The following LDLRAD4 variants were observed in gnomAD, a reference collection of about 807,000 sequenced individuals.
LDLRAD4 encodes low-density lipoprotein receptor class A domain-containing protein 4.
LDLRAD4 carries 5 observed loss-of-function variants against 17.0 expected under a neutral mutation model. That is an observed-to-expected ratio of 0.29 (90% CI 0.15 to 0.62). The LOEUF (loss-of-function observed/expected upper bound fraction) is 0.62. Among genes scored for constraint, LDLRAD4 ranks in the 20% least tolerant of loss-of-function variants. LDLRAD4 has a pLI of 0.84. For synonymous variants in LDLRAD4, 168 were observed against 171.8 expected, an observed-to-expected ratio of 0.98 and a Z score of 0.17; for missense variants, 340 against 424.7, an observed-to-expected ratio of 0.80 and a Z score of 1.75.
At chr18:13,282,447 C>T (rs2045338531) in intron 1 of LDLRAD4, among the ~76,000 whole-genome samples, 1 of 152,164 alleles carries the variant, frequency 6.6e-6, no homozygotes, top group African/African-American at 2.4e-5. Flanking sequence ...TGGGTAAATA[C>T]AGCTGTTACA....
intron 1 of LDLRAD4, among the ~76,000 whole-genome samples, chr18:13,237,293 G>A (rs1054999427): frequency 6.6e-5 from 10 of 152,204 alleles, no homozygotes; most frequent in African/African-American, 2.2e-4. Flanking sequence ...ATCACCCCAC[G>A]TCCTGGGCAC....
intron 3 of LDLRAD4, among the ~76,000 whole-genome samples, chr18:13,512,879 G>C (rs1405804539): frequency 6.6e-6 from 1 of 152,168 alleles, no homozygotes; most frequent in Admixed American, 6.5e-5. Context: ...GAGATCACTT[G>C]CACTGAAAAG....
chr18:13,490,643 TA>T (rs1467132287), intron 3 of LDLRAD4: 5 of 152,238 alleles, frequency 3.3e-5, no homozygotes, highest in African/African-American at 1.2e-4. Flanking sequence ...TATATGTATA[TA>T]TTTTTTTACC....
At position 13,351,368 on chromosome 18, in the gene LDLRAD4, G is replaced by A. The variant is rs986952110; in HGVS notation, c.-382-35973G>A. Among the ~76,000 whole-genome samples, 3 of 151,936 alleles carry A rather than the reference G, an allele frequency of 2.0e-5. No homozygotes were observed. In the South Asian group the frequency reaches 6.2e-4, roughly 32 times the overall value. On this transcript the variant is annotated intron_variant, in intron 1 of 5. Coordinates refer to ENST00000359446, the Ensembl canonical transcript of LDLRAD4. ...CATCCCTTGTTAGCTGTATTCCTAG[G>A]CATTTTATTCTCTTTGTAGCAATTG...
chr18:13,432,459 A>G (rs1299170649), intron 2 of LDLRAD4, among the ~76,000 whole-genome samples: 1 of 152,152 alleles, frequency 6.6e-6, no homozygotes, highest in African/African-American at 2.4e-5. Context: ...AGCACCCTTT[A>G]ATAAAAAGAG....
chr18:13,290,426 G>A (rs986018056), intron 1 of LDLRAD4, among the ~76,000 whole-genome samples: 1 of 152,142 alleles, frequency 6.6e-6, no homozygotes, highest in Non-Finnish European at 1.5e-5. Context: ...TGGGTAAAAT[G>A]ATCCTGAACC....
At chr18:13,441,394 C>T (rs2091012162) in intron 3 of LDLRAD4, among the ~76,000 whole-genome samples, 2 of 152,210 alleles carry the variant, frequency 1.3e-5, no homozygotes. Context: ...GAGTATCCCA[C>T]GAACTCTTGT....
chr18:13,460,786 C>T (rs1184515287), intron 3 of LDLRAD4, among the ~76,000 whole-genome samples: 1 of 152,098 alleles, frequency 6.6e-6, no homozygotes, highest in African/African-American at 2.4e-5. Context: ...ATATTATATA[C>T]ATATACTATT....
intron 3 of LDLRAD4, among the ~76,000 whole-genome samples, chr18:13,571,558 A>G (rs2094690852): frequency 6.6e-6 from 1 of 152,246 alleles, no homozygotes; most frequent in African/African-American, 2.4e-5. Flanking sequence ...GGCGTTGGGT[A>G]GTTTGCCTGA....
chr18:13,643,235 C>G lies in LDLRAD4; in HGVS notation c.337-124C>G, dbSNP rs1462477094. On this transcript the variant is annotated intron_variant, in intron 4 of 5. Coordinates refer to ENST00000359446, the Ensembl canonical transcript of LDLRAD4. ...AGGCTTGAGCCATGGCGCCCGGCCTCGCTCCACGTTTTATGCAGATCCCCG... is the reference window on the plus strand; with the variant it reads ...AGGCTTGAGCCATGGCGCCCGGCCTGGCTCCACGTTTTATGCAGATCCCCG... 4 of 598,008 alleles carry G rather than the reference C, an allele frequency of 6.7e-6. No individual in the cohort carries two copies. In the South Asian group the frequency reaches 7.3e-5, roughly 11 times the overall value. 37.0% of individuals were successfully genotyped at this position (598,008 alleles called of 1,614,324 possible).
At chr18:13,351,037 G>A (rs780159064) in intron 1 of LDLRAD4, among the ~76,000 whole-genome samples, 27 of 152,154 alleles carry the variant, frequency 1.8e-4, no homozygotes, top group Non-Finnish European at 3.8e-4. Context: ...CTGTAGCCTT[G>A]TAGTATAGTT....
At chr18:13,371,483 A>G (rs1291702012) in intron 1 of LDLRAD4, among the ~76,000 whole-genome samples, 1 of 152,162 alleles carries the variant, frequency 6.6e-6, no homozygotes, top group Non-Finnish European at 1.5e-5. Context: ...CAGAACCCAC[A>G]GTTGGCCGGG....
At chr18:13,529,806 G>A (rs1010079476) in intron 3 of LDLRAD4, among the ~76,000 whole-genome samples, 6 of 152,238 alleles carry the variant, frequency 3.9e-5, no homozygotes, top group African/African-American at 1.4e-4. Flanking sequence ...CACATAGGCT[G>A]TCCACAGAGT....
chr18:13,390,469 C>T (rs1377260401), intron 2 of LDLRAD4, among the ~76,000 whole-genome samples: 3 of 152,216 alleles, frequency 2.0e-5, no homozygotes, highest in African/African-American at 7.2e-5. Flanking sequence ...TCCCTACCAC[C>T]TGGGTCTCAC....
intron 3 of LDLRAD4, among the ~76,000 whole-genome samples, chr18:13,555,486 G>C (rs2094474594): frequency 1.3e-5 from 2 of 152,132 alleles, no homozygotes; most frequent in Admixed American, 6.5e-5. Flanking sequence ...TGATTAAAGA[G>C]CTTATGTTCT....
chr18:13,244,630 T>C (rs138693257), intron 1 of LDLRAD4, among the ~76,000 whole-genome samples: 22 of 152,330 alleles, frequency 1.4e-4, no homozygotes, highest in Admixed American at 7.2e-4. Flanking sequence ...GTGGTTAATA[T>C]TGTAGTCATT....
At chr18:13,612,322 T>A in intron 3 of LDLRAD4, 2 of 1,079,462 alleles carry the variant, frequency 1.9e-6, no homozygotes, top group Non-Finnish European at 2.3e-6. Context: ...CTGTAAACAG[T>A]AGTGCCCTGG....
chr18:13,612,760 T>C, intron 3 of LDLRAD4: 1 of 1,614,028 alleles, frequency 6.2e-7, no homozygotes, highest in Non-Finnish European at 8.5e-7. Context: ...TTCAAAGACC[T>C]GTTCTTAAAA....
At chr18:13,233,835 C>T (rs1301679610) in intron 1 of LDLRAD4, among the ~76,000 whole-genome samples, 2 of 152,198 alleles carry the variant, frequency 1.3e-5, no homozygotes, top group East Asian at 3.9e-4. Context: ...TACTCATAGG[C>T]ACCTCCAAGC....
Sources: allele counts gnomAD v4.1 joint callset (sites outside exome capture counted in the v4.1 genomes callset), GRCh38; gene constraint gnomAD v4.1.1; transcripts MANE v1.5; gene names NCBI Gene and HGNC (gene_info 2026-07-23, HGNC 2026-07-21).